GRM8: variants seen among roughly 807,000 people sequenced by gnomAD.
The protein encoded by GRM8 is glutamate metabotropic receptor 8, also known as metabotropic glutamate receptor 8.
GRM8 carries 47 observed loss-of-function variants against 87.2 expected under a neutral mutation model. That is an observed-to-expected ratio of 0.54 (90% confidence interval 0.43 to 0.69). The LOEUF (loss-of-function observed/expected upper bound fraction) is 0.69. Among genes scored for constraint, GRM8 ranks in the 30% least tolerant of loss-of-function variants. The pLI is 0.00. For missense variants in GRM8, 1,019 were observed against 1,139.2 expected (o/e 0.89, Z 1.52); for synonymous variants, 396 against 404.5 (o/e 0.98, Z 0.25).
intron 2 of GRM8, among the ~76,000 whole-genome samples, chr7:127,134,893 C>G (rs371846657): frequency 2.0e-5 from 3 of 152,136 alleles, no homozygotes; most frequent in East Asian, 1.9e-4. Context: ...ACCTTTAAAA[C>G]AGCTAACATT....
chr7:126,739,253 AT>A, intron 7 of GRM8, among the ~76,000 whole-genome samples: 1 of 150,934 alleles, frequency 6.6e-6, no homozygotes, highest in East Asian at 2.1e-4. Flanking sequence ...GTCTTTTTAA[AT>A]CAATTTTAAT....
At chr7:127,070,604 C>A (rs1205514544) in intron 3 of GRM8, among the ~76,000 whole-genome samples, 1 of 152,060 alleles carries the variant, frequency 6.6e-6, no homozygotes, top group Non-Finnish European at 1.5e-5. Flanking sequence ...AAACAATGAG[C>A]TAGCACAGGG....
chr7:126,537,169 GAATTTTCTTTAAGTAAAA>G (rs1815884559), intron 8 of GRM8, among the ~76,000 whole-genome samples: 1 of 152,018 alleles, frequency 6.6e-6, no homozygotes, highest in Non-Finnish European at 1.5e-5. Context: ...TAACAGCTAT[GAATTTTCTTTAAGTAAAA>G]AAATAAGCAA....
intron 2 of GRM8, among the ~76,000 whole-genome samples, chr7:127,160,866 C>T (rs925981894): frequency 6.7e-6 from 1 of 150,062 alleles, no homozygotes; most frequent in Non-Finnish European, 1.5e-5. Context: ...GCACCCACCT[C>T]GACTGAGCTC....
chr7:127,142,269 T>C (rs7786541), intron 2 of GRM8, among the ~76,000 whole-genome samples: 16,311 of 152,142 alleles, frequency 0.11, 2,962 homozygotes, highest in African/African-American at 0.37. Context: ...TAAGCCACCA[T>C]ACCCAGCTTA....
At chr7:126,725,017 T>C (rs1376445339) in intron 7 of GRM8, among the ~76,000 whole-genome samples, 1 of 152,178 alleles carries the variant, frequency 6.6e-6, no homozygotes, top group Non-Finnish European at 1.5e-5. Flanking sequence ...GAAAATGAAT[T>C]GCAAAGGAGA....
intron 3 of GRM8, among the ~76,000 whole-genome samples, chr7:127,028,723 CT>C (rs529430383): frequency 2.3e-3 from 345 of 152,026 alleles, no homozygotes; most frequent in African/African-American, 8.1e-3. Context: ...ATCCTTCTTT[CT>C]TTTCTTATTA....
intron 8 of GRM8, among the ~76,000 whole-genome samples, chr7:126,598,139 G>T (rs1454496169): frequency 2.0e-5 from 3 of 151,922 alleles, no homozygotes; most frequent in Non-Finnish European, 4.4e-5. Flanking sequence ...TCAGTCATAT[G>T]TGGTCTACCT....
chr7:126,478,542 A>G (rs372203833), intron 9 of GRM8, among the ~76,000 whole-genome samples: 1 of 152,040 alleles, frequency 6.6e-6, no homozygotes, highest in Admixed American at 6.6e-5. Context: ...GTTTTTGTAT[A>G]TTACTTAGAC....
At chr7:126,918,174 A>T (rs1409734923) in intron 3 of GRM8, among the ~76,000 whole-genome samples, 1 of 152,232 alleles carries the variant, frequency 6.6e-6, no homozygotes, top group Admixed American at 6.5e-5. Flanking sequence ...GGTTCTTGCC[A>T]GCGGCCTTGG....
rs28951992 is a variant in GRM8 at position 127,105,127 on chromosome 7, G to T, written c.727+1369C>A. Among the ~76,000 whole-genome samples the T allele has an allele frequency of 2.9e-3, 447 of 152,212 alleles. 5 individuals carry two copies. In the East Asian group the frequency reaches 0.041, roughly 14 times the overall value. On this transcript the variant is annotated intron_variant, in intron 3 of 10. Coordinates refer to ENST00000339582, the MANE Select transcript of GRM8 (RefSeq NM_000845.3). ...ATTAACCCTGTTTCCAGAAGCTATTGTTTTCATTTGAGTGGGCATTTCCTC... is the reference window on the plus strand; with the variant it reads ...ATTAACCCTGTTTCCAGAAGCTATTTTTTTCATTTGAGTGGGCATTTCCTC...
intron 9 of GRM8, among the ~76,000 whole-genome samples, chr7:126,503,849 G>A (rs1350484521): frequency 6.6e-6 from 1 of 151,962 alleles, no homozygotes; most frequent in East Asian, 1.9e-4. Context: ...AGGCATTCAA[G>A]AGCCACTGTT....
chr7:127,200,554 C>A (rs1250890056), intron 2 of GRM8, among the ~76,000 whole-genome samples: 1 of 152,180 alleles, frequency 6.6e-6, no homozygotes, highest in Non-Finnish European at 1.5e-5. Context: ...ATCTCACAGT[C>A]CTGGAGGCTG....
At chr7:126,939,083 C>T (rs1563334947) in intron 3 of GRM8, among the ~76,000 whole-genome samples, 1 of 152,100 alleles carries the variant, frequency 6.6e-6, no homozygotes, top group South Asian at 2.1e-4. Context: ...GTAAAAATAT[C>T]TCTATCAATC....
At chr7:127,230,539 A>G (rs7806263) in intron 2 of GRM8, among the ~76,000 whole-genome samples, 11,793 of 152,182 alleles carry the variant, frequency 0.077, 683 homozygotes, top group African/African-American at 0.16. Flanking sequence ...CTTGTGCTAT[A>G]GAATGAATGT....
chr7:126,879,481 C>T (rs1343755485), intron 6 of GRM8, among the ~76,000 whole-genome samples: 1 of 152,152 alleles, frequency 6.6e-6, no homozygotes, highest in South Asian at 2.1e-4. Context: ...CTCTCCCTCT[C>T]TCTTTCTCCT....
chr7:127,112,303 C>G (rs1322953212), intron 2 of GRM8: 1 of 152,290 alleles, frequency 6.6e-6, no homozygotes, highest in African/African-American at 2.4e-5. Flanking sequence ...TCCCTGACCA[C>G]CCCATCTAGT....
chr7:126,906,708 T>C (rs1458380550), intron 3 of GRM8, among the ~76,000 whole-genome samples: 1 of 152,168 alleles, frequency 6.6e-6, no homozygotes, highest in Non-Finnish European at 1.5e-5. Flanking sequence ...TATGAGTAAC[T>C]GGTGCCAGTA....
At chr7:127,011,561 A>G (rs1275172037) in intron 3 of GRM8, among the ~76,000 whole-genome samples, 1 of 152,122 alleles carries the variant, frequency 6.6e-6, no homozygotes, top group Non-Finnish European at 1.5e-5. Flanking sequence ...GACTTCTACA[A>G]AAAAAGACAA....
Sources: allele counts gnomAD v4.1 joint callset (sites outside exome capture counted in the v4.1 genomes callset), GRCh38; gene constraint gnomAD v4.1.1; transcripts MANE v1.5; gene names NCBI Gene and HGNC (gene_info 2026-07-23, HGNC 2026-07-21).